Variants in PROS1 observed in about 807,000 individuals in gnomAD.
PROS1 encodes vitamin K-dependent protein S.
In PROS1, 29 loss-of-function variants were observed where a neutral mutation model predicts 75.9. The ratio of observed to expected loss-of-function variants is 0.38; its 90% confidence interval spans 0.28 to 0.52. PROS1 has a LOEUF of 0.52. Ranked by LOEUF, PROS1 falls within the 20% of genes least tolerant of loss-of-function variation. The pLI is 0.83. For synonymous variants in PROS1, 245 were observed against 280.6 expected, an observed-to-expected ratio of 0.87 and a Z score of 1.27; for missense variants, 680 against 810.3, an observed-to-expected ratio of 0.84 and a Z score of 1.95.
chr3:93,904,371 A>C (rs2107168563), intron 6 of PROS1, among the ~76,000 whole-genome samples: 1 of 152,332 alleles, frequency 6.6e-6, no homozygotes, highest in East Asian at 1.9e-4. Context: ...ACCTTCAAAT[A>C]GGCAGATAAG....
chr3:93,904,880 T>G (rs1160282904), intron 6 of PROS1, among the ~76,000 whole-genome samples: 1 of 152,178 alleles, frequency 6.6e-6, no homozygotes, highest in East Asian at 1.9e-4. Flanking sequence ...GTAAAATGAC[T>G]TGTTAGAAAG....
intron 1 of PROS1, among the ~76,000 whole-genome samples, chr3:93,953,700 CA>C: frequency 6.6e-6 from 1 of 152,052 alleles, no homozygotes; most frequent in African/African-American, 2.4e-5. Flanking sequence ...CACTTGTATT[CA>C]AAATAGGGTT....
intron 1 of PROS1, among the ~76,000 whole-genome samples, chr3:93,951,532 G>A (rs1709495538): frequency 6.6e-6 from 1 of 152,088 alleles, no homozygotes; most frequent in Non-Finnish European, 1.5e-5. Flanking sequence ...ATCCTTTACA[G>A]GCAAGTAAAT....
chr3:93,894,893 T>C (rs1441948882), intron 9 of PROS1, among the ~76,000 whole-genome samples: 2 of 152,252 alleles, frequency 1.3e-5, no homozygotes, highest in South Asian at 4.1e-4. Flanking sequence ...AAATAATAAA[T>C]TCTGGAAAAA....
intron 1 of PROS1, among the ~76,000 whole-genome samples, chr3:93,952,011 C>G (rs562038627): frequency 1.3e-5 from 2 of 152,290 alleles, no homozygotes; most frequent in African/African-American, 4.8e-5. Flanking sequence ...GTAAAGGGAT[C>G]AATTCAACAA....
At chr3:93,942,467 G>A (rs761502948) in intron 1 of PROS1, among the ~76,000 whole-genome samples, 20 of 152,222 alleles carry the variant, frequency 1.3e-4, no homozygotes, top group South Asian at 4.2e-4. Flanking sequence ...CCATCAAAAG[G>A]CATCAGATCC....
chr3:93,965,456 T>C (rs1333649190), intron 1 of PROS1, among the ~76,000 whole-genome samples: 1 of 152,170 alleles, frequency 6.6e-6, no homozygotes, highest in Non-Finnish European at 1.5e-5. Context: ...AGCTGAACAC[T>C]AGTCACTGGG....
intron 10 of PROS1, among the ~76,000 whole-genome samples, chr3:93,888,963 C>A (rs560285674): frequency 1.3e-5 from 2 of 152,278 alleles, no homozygotes; most frequent in East Asian, 3.9e-4. Context: ...CGTTTCTAAC[C>A]TCATTTTCTA....
At chr3:93,956,563 A>ACACAC (rs57080075) in intron 1 of PROS1, among the ~76,000 whole-genome samples, 9 of 128,372 alleles carry the variant, frequency 7.0e-5, no homozygotes, top group Non-Finnish European at 8.5e-5. Flanking sequence ...CACACACACA[A>ACACAC]ACACACACAC....
intron 3 of PROS1, among the ~76,000 whole-genome samples, chr3:93,913,444 G>A (rs1708790604): frequency 6.6e-6 from 1 of 152,190 alleles, no homozygotes; most frequent in Admixed American, 6.5e-5. Context: ...CAGGTAAGAA[G>A]TAACTTTGCT....
intron 10 of PROS1, among the ~76,000 whole-genome samples, chr3:93,891,931 A>T (rs1708436656): frequency 6.6e-6 from 1 of 151,938 alleles, no homozygotes; most frequent in African/African-American, 2.4e-5. Context: ...TTATATTTGA[A>T]TTTGAATTAC....
Position 93,915,322 on chromosome 3 carries a change from C to T in PROS1, c.260-4617G>A, listed in dbSNP as rs1426163542. On this transcript the variant is annotated intron_variant, in intron 3 of 14. Coordinates refer to ENST00000394236, the MANE Select transcript of PROS1 (RefSeq NM_000313.4). ...CTCTACTAAAAATACAAAAATTATC[C>T]AGGTGTGGTGGCACACACCTGTAAT... 3.9e-5 allele frequency among the ~76,000 whole-genome samples: 6 copies of T among 151,964 alleles called. No individual in the cohort carries two copies. In the East Asian group the frequency reaches 7.7e-4, roughly 20 times the overall value.
intron 4 of PROS1, 68 bp from the exon 5 acceptor site, chr3:93,906,211 A>G (rs746997750): frequency 3.2e-6 from 5 of 1,547,884 alleles, no homozygotes; most frequent in Non-Finnish European, 3.5e-6. Flanking sequence ...TGTGTGTACT[A>G]TAATAAAAAT....
intron 12 of PROS1, among the ~76,000 whole-genome samples, chr3:93,884,216 G>A (rs888163638): frequency 2.0e-5 from 3 of 152,142 alleles, no homozygotes; most frequent in Admixed American, 1.3e-4. Flanking sequence ...AAGGGACAAA[G>A]CAAACAAAAT....
chr3:93,938,943 G>T (rs1196580979), intron 1 of PROS1, among the ~76,000 whole-genome samples: 1 of 152,080 alleles, frequency 6.6e-6, no homozygotes, highest in African/African-American at 2.4e-5. Context: ...GCCCAGGGCT[G>T]CTCACCACCC....
At chr3:93,929,805 A>G (rs928199609) in intron 1 of PROS1, among the ~76,000 whole-genome samples, 14 of 152,236 alleles carry the variant, frequency 9.2e-5, no homozygotes, top group African/African-American at 3.4e-4. Flanking sequence ...TTTTAATGAA[A>G]AATGTAAAAA....
intron 6 of PROS1, among the ~76,000 whole-genome samples, chr3:93,903,484 C>A (rs774094493): frequency 4.6e-5 from 7 of 151,988 alleles, no homozygotes; most frequent in Non-Finnish European, 7.4e-5. Flanking sequence ...GACAGTATGA[C>A]AAAACTCCAT....
chr3:93,922,522 A>T (rs1708958270), intron 3 of PROS1, among the ~76,000 whole-genome samples: 1 of 152,224 alleles, frequency 6.6e-6, no homozygotes, highest in Non-Finnish European at 1.5e-5. Flanking sequence ...TATGTAGGCC[A>T]ATTGAAGTGC....
chr3:93,941,345 G>T (rs936436039), intron 1 of PROS1, among the ~76,000 whole-genome samples: 1 of 151,976 alleles, frequency 6.6e-6, no homozygotes, highest in African/African-American at 2.4e-5. Flanking sequence ...TACCTAACTT[G>T]GCATAGTTCT....
Sources: allele counts gnomAD v4.1 joint callset (sites outside exome capture counted in the v4.1 genomes callset), GRCh38; gene constraint gnomAD v4.1.1; transcripts MANE v1.5; gene names NCBI Gene and HGNC (gene_info 2026-07-23, HGNC 2026-07-21).